The following MGMT variants were observed in gnomAD, a reference collection of about 807,000 sequenced individuals.
MGMT encodes the protein methylated-DNA--protein-cysteine methyltransferase.
In MGMT, 14 loss-of-function variants were observed where a neutral mutation model predicts 15.9. That is an observed-to-expected ratio of 0.88 (90% CI 0.58 to 1.37). The LOEUF is 1.37. Among genes scored for constraint, MGMT ranks in the 40% most tolerant of loss-of-function variants. The pLI is 0.00. For synonymous variants in MGMT, 130 were observed against 118.2 expected, an observed-to-expected ratio of 1.10 and a Z score of -0.65; for missense variants, 282 against 268.1, an observed-to-expected ratio of 1.05 and a Z score of -0.36.
intron 2 of MGMT, among the ~76,000 whole-genome samples, chr10:129,549,840 A>C (rs1284833318): frequency 1.3e-5 from 2 of 152,232 alleles, no homozygotes; most frequent in Non-Finnish European, 2.9e-5. Context: ...TGAATTGACA[A>C]AATGAAAATA....
intron 1 of MGMT, among the ~76,000 whole-genome samples, chr10:129,526,137 C>A (rs925082688): frequency 1.3e-5 from 2 of 152,188 alleles, no homozygotes; most frequent in African/African-American, 4.8e-5. Context: ...AGCCGTGGCC[C>A]TTTATACTTG....
At chr10:129,747,915 T>A (rs1006769715) in intron 3 of MGMT, among the ~76,000 whole-genome samples, 1 of 152,212 alleles carries the variant, frequency 6.6e-6, no homozygotes, top group Non-Finnish European at 1.5e-5. Flanking sequence ...GGAGTTACAG[T>A]GTGTGAGGAG....
chr10:129,481,568 G>C (rs1845358365), intron 1 of MGMT, among the ~76,000 whole-genome samples: 1 of 152,098 alleles, frequency 6.6e-6, no homozygotes, highest in Admixed American at 6.5e-5. Flanking sequence ...TGTGTTTGAA[G>C]TTTTCTTTGT....
intron 2 of MGMT, among the ~76,000 whole-genome samples, chr10:129,543,133 G>A (rs572179082): frequency 1.3e-5 from 2 of 152,314 alleles, no homozygotes; most frequent in African/African-American, 4.8e-5. Flanking sequence ...GCCGACTGCT[G>A]GCCCCCGGAC....
chr10:129,753,035 C>G (rs908270046), intron 3 of MGMT, among the ~76,000 whole-genome samples: 2 of 152,066 alleles, frequency 1.3e-5, no homozygotes, highest in African/African-American at 2.4e-5. Flanking sequence ...TTAGATTTTC[C>G]TTTTTATCAG....
chr10:129,558,691 G>A (rs555020), intron 2 of MGMT, among the ~76,000 whole-genome samples: 4 of 152,268 alleles, frequency 2.6e-5, no homozygotes, highest in Non-Finnish European at 2.9e-5. Context: ...CTCTCCTGAT[G>A]TTGCCGCCCT....
At chr10:129,469,278 A>T (rs550655690) in intron 1 of MGMT, among the ~76,000 whole-genome samples, 42 of 152,320 alleles carry the variant, frequency 2.8e-4, no homozygotes, top group African/African-American at 9.4e-4. Flanking sequence ...AATAAAATAA[A>T]GTTACTAAAT....
intron 2 of MGMT, among the ~76,000 whole-genome samples, chr10:129,577,892 CAAAAG>C (rs1430141357): frequency 6.6e-6 from 1 of 152,172 alleles, no homozygotes; most frequent in Non-Finnish European, 1.5e-5. Context: ...AGACACTTCT[CAAAAG>C]AAGACATTTA....
chr10:129,691,477 A>G (rs898462842), intron 2 of MGMT, among the ~76,000 whole-genome samples: 3 of 152,208 alleles, frequency 2.0e-5, no homozygotes, highest in Non-Finnish European at 2.9e-5. Context: ...GAGTAAGAAG[A>G]GGGTGTTAGC....
chr10:129,520,856 ATGGTG>A (rs1564841132), intron 1 of MGMT, among the ~76,000 whole-genome samples: 1 of 147,726 alleles, frequency 6.8e-6, no homozygotes, highest in Non-Finnish European at 1.5e-5. Flanking sequence ...CAGACCCCAT[ATGGTG>A]CGGGTACAGA....
chr10:129,711,252 C>T (rs889761326), intron 3 of MGMT, among the ~76,000 whole-genome samples: 2 of 152,110 alleles, frequency 1.3e-5, no homozygotes, highest in Non-Finnish European at 2.9e-5. Context: ...ATATGCATTA[C>T]GTTGAACCAT....
intron 1 of MGMT, among the ~76,000 whole-genome samples, chr10:129,492,578 A>G (rs531226590): frequency 1.3e-5 from 2 of 152,282 alleles, no homozygotes; most frequent in South Asian, 2.1e-4. Context: ...CTGATCTTTC[A>G]TGCCATCCCC....
intron 1 of MGMT, among the ~76,000 whole-genome samples, chr10:129,528,761 G>C (rs1471421050): frequency 6.6e-6 from 1 of 152,166 alleles, no homozygotes; most frequent in Non-Finnish European, 1.5e-5. Flanking sequence ...TCACTAGGTG[G>C]TTGCCACAGC....
At chr10:129,538,616 A>G in intron 2 of MGMT, among the ~76,000 whole-genome samples, 1 of 150,026 alleles carries the variant, frequency 6.7e-6, no homozygotes, top group South Asian at 2.1e-4. Context: ...TGAAATATCT[A>G]CTCAAGTCTT....
intron 2 of MGMT, among the ~76,000 whole-genome samples, chr10:129,641,876 A>G (rs1231975772): frequency 6.6e-6 from 1 of 152,242 alleles, no homozygotes; most frequent in Non-Finnish European, 1.5e-5. Flanking sequence ...TATCTAATGT[A>G]ATGCTGAAAA....
At chr10:129,748,699 A>T (rs1589974546) in intron 3 of MGMT, among the ~76,000 whole-genome samples, 1 of 152,188 alleles carries the variant, frequency 6.6e-6, no homozygotes, top group Non-Finnish European at 1.5e-5. Flanking sequence ...ACATTTCTGT[A>T]TGCAATTATC....
chr10:129,502,599 C>T (rs1344453795), intron 1 of MGMT, among the ~76,000 whole-genome samples: 1 of 151,884 alleles, frequency 6.6e-6, no homozygotes, highest in African/African-American at 2.4e-5. Flanking sequence ...GTCGTCTCTC[C>T]CTGAGGAAGG....
chr10:129,688,363 G>A (rs889496626), intron 2 of MGMT, among the ~76,000 whole-genome samples: 1 of 152,008 alleles, frequency 6.6e-6, no homozygotes, highest in Non-Finnish European at 1.5e-5. Context: ...TTGTTTCCTG[G>A]CTTTTTAATG....
intron 2 of MGMT, among the ~76,000 whole-genome samples, chr10:129,663,332 G>T (rs1012048224): frequency 6.6e-6 from 1 of 152,056 alleles, no homozygotes; most frequent in East Asian, 1.9e-4. Context: ...TGTATCAAAG[G>T]CATAGTTAAT....
Sources: allele counts gnomAD v4.1 joint callset (sites outside exome capture counted in the v4.1 genomes callset), GRCh38; gene constraint gnomAD v4.1.1; transcripts MANE v1.5; gene names NCBI Gene and HGNC (gene_info 2026-07-23, HGNC 2026-07-21).